Variants in PTPRK observed in about 807,000 individuals in gnomAD.
PTPRK encodes protein tyrosine phosphatase receptor type K.
PTPRK carries 75 observed loss-of-function variants against 178.0 expected under a neutral mutation model. The ratio of observed to expected loss-of-function variants is 0.42; its 90% CI spans 0.35 to 0.51. The LOEUF is 0.51. PTPRK is among the 20% of genes least tolerant of loss of function. The probability of loss-of-function intolerance (pLI) is 0.02; values close to 1 mark genes in which losing one functional copy is unlikely to be tolerated. For synonymous variants in PTPRK, 637 were observed against 620.6 expected (o/e 1.03, Z -0.39); for missense variants, 1,441 against 1,797.8 (o/e 0.80, Z 3.59).
chr6:127,975,007 T>C (rs896492035), intron 27 of PTPRK, among the ~76,000 whole-genome samples: 1 of 152,202 alleles, frequency 6.6e-6, no homozygotes, highest in Non-Finnish European at 1.5e-5. Flanking sequence ...CCCTACTTAG[T>C]ACTCTACAAA....
intron 2 of PTPRK, among the ~76,000 whole-genome samples, chr6:128,373,950 G>A (rs1836656817): frequency 6.6e-6 from 1 of 152,086 alleles, no homozygotes; most frequent in Non-Finnish European, 1.5e-5. Flanking sequence ...ACAAGAAAGG[G>A]TAAAAAGGCT....
At chr6:128,267,437 A>G (rs952296851) in intron 3 of PTPRK, among the ~76,000 whole-genome samples, 3 of 152,120 alleles carry the variant, frequency 2.0e-5, no homozygotes, top group African/African-American at 7.2e-5. Flanking sequence ...CATAATAAAA[A>G]TAGAGAATAA....
rs1554347218 is a variant in PTPRK, at chr6:128,210,368, G to GC, written c.868+8553_868+8554insG. 3.8e-3 allele frequency among the ~76,000 whole-genome samples: 458 copies of GC among 119,882 alleles called. 4 individuals carry two copies. The highest frequency in any genetic ancestry group is 0.012 in the African/African-American group (435 of 35,174). 78.6% of individuals were successfully genotyped at this position (119,882 alleles called of 152,430 possible). A position where few individuals can be genotyped will look rare whatever the true frequency, so the allele number is the denominator to read the frequency against. ...AACTTTGACCTAAATAACTCCGGAG[G>GC]AAAAAAAAAAAACAGTAAAACAAAA... On this transcript the variant is annotated intron_variant, in intron 6 of 29. Transcript: ENST00000368226.
intron 1 of PTPRK, among the ~76,000 whole-genome samples, chr6:128,403,322 C>G (rs1584546956): frequency 6.6e-6 from 1 of 152,174 alleles, no homozygotes. Flanking sequence ...AGAGAAACAA[C>G]ATTAAAATCC....
intron 3 of PTPRK, among the ~76,000 whole-genome samples, chr6:128,292,397 T>A (rs1416849486): frequency 1.3e-5 from 2 of 152,142 alleles, no homozygotes; most frequent in Non-Finnish European, 2.9e-5. Flanking sequence ...TGAATATTTT[T>A]AAAATATATT....
At chr6:128,087,929 A>G (rs144378454) in intron 8 of PTPRK, among the ~76,000 whole-genome samples, 186 of 152,332 alleles carry the variant, frequency 1.2e-3, no homozygotes, top group Middle Eastern at 6.8e-3. Flanking sequence ...GTTTGAAATT[A>G]TAAGTATTTG....
chr6:127,976,080 G>A (rs1050156777), intron 27 of PTPRK, among the ~76,000 whole-genome samples: 7 of 152,130 alleles, frequency 4.6e-5, no homozygotes, highest in African/African-American at 7.2e-5. Context: ...CTTTGCTGCT[G>A]GGAAAAGGCA....
intron 7 of PTPRK, among the ~76,000 whole-genome samples, chr6:128,145,562 G>A (rs1042410838): frequency 1.3e-4 from 20 of 151,886 alleles, no homozygotes; most frequent in African/African-American, 4.8e-4. Context: ...ATATATATAG[G>A]TGAAATTCAG....
At chr6:128,283,636 A>G (rs1483562398) in intron 3 of PTPRK, among the ~76,000 whole-genome samples, 1 of 152,198 alleles carries the variant, frequency 6.6e-6, no homozygotes, top group East Asian at 1.9e-4. Context: ...ATACAGACCG[A>G]AAAATAATAT....
intron 1 of PTPRK, 53 bp from the exon 2 acceptor site, chr6:128,397,741 C>T (rs1840505022): frequency 6.4e-7 from 1 of 1,562,954 alleles, no homozygotes; most frequent in Non-Finnish European, 8.8e-7. Flanking sequence ...CCAAACATAA[C>T]GAAAGTTCTG....
intron 1 of PTPRK, among the ~76,000 whole-genome samples, chr6:128,511,284 G>T (rs1397918613): frequency 6.6e-6 from 1 of 152,070 alleles, no homozygotes; most frequent in East Asian, 1.9e-4. Flanking sequence ...TGATCCTACT[G>T]TCTCTTCCCC....
intron 2 of PTPRK, among the ~76,000 whole-genome samples, chr6:128,346,028 T>C (rs558864817): frequency 5.3e-5 from 8 of 152,248 alleles, no homozygotes; most frequent in African/African-American, 1.7e-4. Context: ...TTATTTATCT[T>C]GCAAGAAAGA....
intron 3 of PTPRK, among the ~76,000 whole-genome samples, chr6:128,270,981 G>A (rs548396900): frequency 3.3e-5 from 5 of 152,036 alleles, no homozygotes; most frequent in South Asian, 2.1e-4. Context: ...CTATGATTCC[G>A]ACTACTTCGA....
At chr6:128,385,287 T>C (rs1233789766) in intron 2 of PTPRK, among the ~76,000 whole-genome samples, 7 of 151,980 alleles carry the variant, frequency 4.6e-5, no homozygotes, top group Non-Finnish European at 1.0e-4. Context: ...CTATAGGTCT[T>C]TGGACAACCG....
intron 14 of PTPRK, chr6:128,006,104 A>G: frequency 7.0e-7 from 1 of 1,420,306 alleles, no homozygotes; most frequent in Non-Finnish European, 9.7e-7. Context: ...ATGGTGAATG[A>G]AAAGCGTGAC....
At chr6:128,069,837 G>C (rs1045494620) in intron 11 of PTPRK, among the ~76,000 whole-genome samples, 6 of 152,030 alleles carry the variant, frequency 3.9e-5, no homozygotes, top group African/African-American at 1.4e-4. Context: ...TGTCTATCTA[G>C]ATCTGTGAGG....
chr6:128,040,077 C>T (rs577598918), intron 13 of PTPRK, among the ~76,000 whole-genome samples: 3 of 152,098 alleles, frequency 2.0e-5, no homozygotes, highest in Non-Finnish European at 4.4e-5. Flanking sequence ...AGAGAAAATG[C>T]CTGAATTAGA....
intron 3 of PTPRK, among the ~76,000 whole-genome samples, chr6:128,248,787 AC>A (rs1460607682): frequency 2.0e-5 from 3 of 152,168 alleles, no homozygotes; most frequent in Admixed American, 6.6e-5. Flanking sequence ...GAAAAATTTG[AC>A]TAAGGATAGA....
At chr6:128,428,494 T>C (rs1465625382) in intron 1 of PTPRK, among the ~76,000 whole-genome samples, 1 of 152,084 alleles carries the variant, frequency 6.6e-6, no homozygotes, top group Non-Finnish European at 1.5e-5. Flanking sequence ...CCACAAGCAA[T>C]GGCAGTTAGA....
Sources: gnomAD v4.1 joint callset for allele counts (sites outside exome capture counted in the v4.1 genomes callset) on GRCh38, gnomAD v4.1.1 for gene constraint, MANE v1.5 for transcripts, NCBI Gene and HGNC (gene_info 2026-07-23, HGNC 2026-07-21) for gene names.